The following MEI1 variants were observed in gnomAD, a reference collection of about 807,000 sequenced individuals.
MEI1 encodes meiotic double-stranded break formation protein 1.
A neutral mutation model predicts 146.2 loss-of-function variants in MEI1; 103 were observed. That is an observed-to-expected ratio of 0.70 (90% confidence interval 0.60 to 0.83). The LOEUF (loss-of-function observed/expected upper bound fraction) is 0.83. Among genes scored for constraint, MEI1 ranks in the 40% least tolerant of loss-of-function variants. MEI1 has a pLI of 0.00. For synonymous variants in MEI1, 652 were observed against 628.2 expected (o/e 1.04, Z -0.57); for missense variants, 1,529 against 1,533.0 (o/e 1.00, Z 0.04).
rs1461011797 is a variant in MEI1 at position 41,752,652 on chromosome 22, G to A, written c.1853+1G>A. Reference sequence around the variant, plus strand: ...AGGCCAGGTTTTGCAGTGGTCTGAGGTATGTGTGGTCCCAGGCAAGATTGA... The same window carrying A: ...AGGCCAGGTTTTGCAGTGGTCTGAGATATGTGTGGTCCCAGGCAAGATTGA... On this transcript the variant is annotated splice_donor_variant, in intron 16 of 30. Transcript: ENST00000401548. LOFTEE classifies it high-confidence loss of function. 46 of 1,592,088 alleles carry A rather than the reference G, an allele frequency of 2.9e-5. No homozygotes were observed. Among genetic ancestry groups the A allele is most frequent in the Non-Finnish European group, 3.8e-5 (45 of 1,169,334 alleles).
At chr22:41,793,032 CTT>C (rs869223251) in intron 26 of MEI1, among the ~76,000 whole-genome samples, 34 of 48,426 alleles carry the variant, frequency 7.0e-4, no homozygotes, top group African/African-American at 1.3e-3. Flanking sequence ...ACAAAGCATT[CTT>C]TTTTTTTTTT....
At chr22:41,742,074 A>G (rs2072921026) in intron 11 of MEI1, among the ~76,000 whole-genome samples, 2 of 151,984 alleles carry the variant, frequency 1.3e-5, no homozygotes, top group African/African-American at 2.4e-5. Context: ...AGCCTGGCCA[A>G]CATGGTGAAA....
At chr22:41,780,119 A>G (rs562762812) in intron 22 of MEI1, among the ~76,000 whole-genome samples, 42 of 152,332 alleles carry the variant, frequency 2.8e-4, no homozygotes, top group Middle Eastern at 3.4e-3. Context: ...CAAGGCTGAC[A>G]CTAAGCTAGG....
At chr22:41,738,193 G>A (rs1026046281) in intron 11 of MEI1, among the ~76,000 whole-genome samples, 1 of 152,118 alleles carries the variant, frequency 6.6e-6, no homozygotes, top group African/African-American at 2.4e-5. Context: ...AGTGGCTCAT[G>A]CCTGTAATCC....
intron 20 of MEI1, 160 bp from the exon 21 acceptor site, chr22:41,775,942 G>T: frequency 1.5e-6 from 1 of 656,038 alleles, no homozygotes; most frequent in Non-Finnish European, 2.6e-6. Context: ...AGTGCACCTA[G>T]AAGAGCCTTT....
Position 41,704,475 on chromosome 22 carries a change from G to A in MEI1, c.298+1021G>A, listed in dbSNP as rs574246071. 1.7e-4 allele frequency among the ~76,000 whole-genome samples: 25 copies of A among 150,140 alleles called. No homozygotes were observed. The South Asian group carries it at 4.4e-3, about 26-fold the overall frequency. ...TTCGCCCAGGCCGGAGTCCAGTGGC[G>A]TGATCTCAGCTCACTGCAACCTCCA... On this transcript the variant is annotated intron_variant, in intron 2 of 30. Transcript: ENST00000401548.
In MEI1 at chr22:41,744,995, C is replaced by A. The variant is rs1190879688; in HGVS notation, c.1469C>A (p.Ser490Ter). Residue 490 changes from serine to a stop codon, truncating the protein, a stop_gained, in exon 13 of 31, where the codon TCA (serine) becomes TAA (stop). Coordinates refer to ENST00000401548, the MANE Select transcript of MEI1 (RefSeq NM_152513.4). LOFTEE classifies it high-confidence loss of function. ...CAGGGCCATGCCTCCAGTAGAGATTCAGAGAAGGCCATTCTTCAAAGGGGA... is the reference window on the plus strand; with the variant it reads ...CAGGGCCATGCCTCCAGTAGAGATTAAGAGAAGGCCATTCTTCAAAGGGGA... ...RPLGHASSRD[S>*]EKAILQRGKF... The A allele has an allele frequency of 1.3e-6, 2 of 1,560,458 alleles. No homozygotes were observed. Among genetic ancestry groups the A allele is most frequent in the African/African-American group, 1.4e-5 (1 of 73,666 alleles).
rs553647630 is a variant in MEI1 at position 41,733,425 on chromosome 22, G to C, written c.1331+822G>C. 2.6e-4 allele frequency among the ~76,000 whole-genome samples: 40 copies of C among 151,850 alleles called. No homozygotes were observed. In the South Asian group the frequency reaches 8.3e-3, roughly 32 times the overall value. On this transcript the variant is annotated intron_variant, in intron 11 of 30. Coordinates refer to ENST00000401548, the MANE Select transcript of MEI1 (RefSeq NM_152513.4). ...GATCACACCACTGCACTCCAGCCTG[G>C]GTGACAGAGTGAGACCTTGTCTCAA...
intron 30 of MEI1, among the ~76,000 whole-genome samples, chr22:41,797,338 C>T (rs1334202957): frequency 1.3e-5 from 2 of 151,806 alleles, no homozygotes; most frequent in East Asian, 2.0e-4. Flanking sequence ...GGTGGCCAGA[C>T]GCGTGGCTCA....
At chr22:41,728,131 A>G (rs1672768652) in intron 7 of MEI1, among the ~76,000 whole-genome samples, 1 of 152,158 alleles carries the variant, frequency 6.6e-6, no homozygotes, top group South Asian at 2.1e-4. Context: ...TGAATACTGC[A>G]TTTTCCATCA....
At chr22:41,727,959 A>C (rs1005307576) in intron 7 of MEI1, among the ~76,000 whole-genome samples, 7 of 152,146 alleles carry the variant, frequency 4.6e-5, no homozygotes, top group Admixed American at 3.3e-4. Context: ...TCCCAGAAGG[A>C]AAACAGGTAT....
At chr22:41,747,039 A>G (rs555067368) in intron 14 of MEI1, among the ~76,000 whole-genome samples, 79 of 117,792 alleles carry the variant, frequency 6.7e-4, no homozygotes, top group African/African-American at 2.0e-3. Flanking sequence ...TAATGAGCAT[A>G]TATTACTTTT....
intron 15 of MEI1, chr22:41,752,359 A>G: frequency 1.9e-6 from 1 of 524,970 alleles, no homozygotes; most frequent in East Asian, 3.1e-5. Flanking sequence ...TGTTCTCCAT[A>G]CATTTATCTT....
chr22:41,799,397 A>T lies in MEI1; in HGVS notation c.*98A>T. The T allele has an allele frequency of 8.9e-7, 1 of 1,125,986 alleles. No homozygotes were observed. Among genetic ancestry groups the T allele is most frequent in the South Asian group, 1.3e-5 (1 of 77,876 alleles). The allele number at this position is 1,125,986 out of a possible 1,614,324, so 69.7% of individuals were successfully genotyped here. On this transcript the variant is annotated 3_prime_UTR_variant, in exon 31 of 31. Transcript: ENST00000401548. Reference sequence around the variant, plus strand: ...ATGGATGACAGCTGAAGCTATTCATATGGAGCCATATACTCTATTGTTGAA... The same window carrying T: ...ATGGATGACAGCTGAAGCTATTCATTTGGAGCCATATACTCTATTGTTGAA...
intron 3 of MEI1, among the ~76,000 whole-genome samples, chr22:41,712,229 T>TTTTG (rs374048721): frequency 1.2e-5 from 1 of 81,756 alleles, no homozygotes. Context: ...ATTGTGTTTT[T>TTTTG]TTTGTTTGTT....
At chr22:41,747,736 C>CCCAAAAAA (rs1569240908) in intron 14 of MEI1, among the ~76,000 whole-genome samples, 3 of 133,218 alleles carry the variant, frequency 2.3e-5, no homozygotes, top group African/African-American at 2.9e-5. Context: ...CCCACCCCCC[C>CCCAAAAAA]AAAAAAAACA....
intron 11 of MEI1, among the ~76,000 whole-genome samples, chr22:41,733,438 G>A (rs1271562545): frequency 6.6e-6 from 1 of 151,432 alleles, no homozygotes; most frequent in Non-Finnish European, 1.5e-5. Flanking sequence ...GACAGAGTGA[G>A]ACCTTGTCTC....
intron 13 of MEI1, 92 bp from the exon 14 acceptor site, chr22:41,745,793 G>A (rs1366599960): frequency 1.5e-6 from 2 of 1,335,166 alleles, no homozygotes; most frequent in Non-Finnish European, 2.0e-6. Context: ...TGGACCCTGA[G>A]CACAGGCACT....
Position 41,770,734 on chromosome 22 carries a change from C to A in MEI1, c.2317C>A (p.Gln773Lys). The A allele has an allele frequency of 6.2e-7, 1 of 1,613,920 alleles. No individual in the cohort carries two copies. Residue 773 changes from glutamine (Q) to lysine (K), a missense_variant, in exon 20 of 31, where the codon CAG becomes AAG. Physicochemically the swap from Gln to Lys is moderately conservative, Grantham distance 53. Coordinates refer to ENST00000401548, the MANE Select transcript of MEI1 (RefSeq NM_152513.4). ...ATTCCTAGAAGGCATCCCAGACCTGCAGCTAGTCTATACTCACCATCCGCT... is the reference window on the plus strand; with the variant it reads ...ATTCCTAGAAGGCATCCCAGACCTGAAGCTAGTCTATACTCACCATCCGCT... ...RKFLEGIPDL[Q>K]LVYTHHPLLL...
Sources: allele counts gnomAD v4.1 joint callset (sites outside exome capture counted in the v4.1 genomes callset), GRCh38; gene constraint gnomAD v4.1.1; transcripts MANE v1.5; gene names NCBI Gene and HGNC (gene_info 2026-07-23, HGNC 2026-07-21).